The following GRM8 variants were observed in gnomAD, a reference collection of about 807,000 sequenced individuals.
GRM8 encodes metabotropic glutamate receptor 8.
A neutral mutation model predicts 87.2 loss-of-function variants in GRM8; 47 were observed. That is an observed-to-expected ratio of 0.54 (90% CI 0.43 to 0.69). The LOEUF (loss-of-function observed/expected upper bound fraction) is 0.69. Among genes scored for constraint, GRM8 ranks in the 30% least tolerant of loss-of-function variants. The pLI is 0.00. For missense variants in GRM8, 1,019 were observed against 1,139.2 expected (o/e 0.89, Z 1.52); for synonymous variants, 396 against 404.5 (o/e 0.98, Z 0.25).
intron 3 of GRM8, among the ~76,000 whole-genome samples, chr7:126,951,581 A>G (rs1386321041): frequency 6.6e-6 from 1 of 152,106 alleles, no homozygotes. Context: ...CAGTATCTTG[A>G]CTGGATACCA....
At chr7:126,769,419 G>A (rs929211) in intron 7 of GRM8, among the ~76,000 whole-genome samples, 56,183 of 151,884 alleles carry the variant, frequency 0.37, 11,778 homozygotes, top group Non-Finnish European at 0.47. Context: ...CTTAACACTC[G>A]TTGAGTATAA....
chr7:126,658,127 A>T (rs974108434), intron 7 of GRM8, among the ~76,000 whole-genome samples: 18 of 152,246 alleles, frequency 1.2e-4, no homozygotes, highest in Non-Finnish European at 2.6e-4. Flanking sequence ...AATAAAGAGA[A>T]GTAGGCAGAA....
chr7:127,204,114 G>A lies in GRM8; in HGVS notation c.510+38581C>T, dbSNP rs1301520955. Among the ~76,000 whole-genome samples, 3 of 147,146 alleles carry A rather than the reference G, an allele frequency of 2.0e-5. No individual in the cohort carries two copies. The East Asian group carries it at 5.9e-4, about 29-fold the overall frequency. ...GCAGGACTCAAGCCATGCAGTTAAT[G>A]TACACAACATTCACTGAATTGTAGA... On this transcript the variant is annotated intron_variant, in intron 2 of 10. Transcript: ENST00000339582.
intron 7 of GRM8, among the ~76,000 whole-genome samples, chr7:126,763,254 A>G (rs1563163395): frequency 6.6e-6 from 1 of 151,580 alleles, no homozygotes; most frequent in Non-Finnish European, 1.5e-5. Flanking sequence ...ATTCAAATCA[A>G]ATAAACCTTC....
At chr7:126,587,669 GC>G (rs1023656683) in intron 8 of GRM8, among the ~76,000 whole-genome samples, 2 of 144,576 alleles carry the variant, frequency 1.4e-5, no homozygotes, top group Admixed American at 1.4e-4. Context: ...GACACACCGG[GC>G]CTGTCATGGG....
At chr7:126,843,788 G>C (rs1159767944) in intron 6 of GRM8, among the ~76,000 whole-genome samples, 1 of 152,174 alleles carries the variant, frequency 6.6e-6, no homozygotes, top group African/African-American at 2.4e-5. Flanking sequence ...TGTTACATGT[G>C]CCTACAGAAA....
At chr7:127,081,873 A>G (rs1822908873) in intron 3 of GRM8, among the ~76,000 whole-genome samples, 1 of 152,212 alleles carries the variant, frequency 6.6e-6, no homozygotes, top group Non-Finnish European at 1.5e-5. Context: ...GAGTGCTGAT[A>G]AAGGAGACAA....
intron 3 of GRM8, among the ~76,000 whole-genome samples, chr7:126,963,250 T>C (rs1359429065): frequency 1.3e-5 from 2 of 152,216 alleles, no homozygotes; most frequent in African/African-American, 4.8e-5. Flanking sequence ...ATTTCATTTT[T>C]GCATATCTGA....
At chr7:126,822,664 C>T (rs144061781) in intron 6 of GRM8, among the ~76,000 whole-genome samples, 118 of 151,990 alleles carry the variant, frequency 7.8e-4, no homozygotes, top group African/African-American at 2.7e-3. Flanking sequence ...CAGACTCCTG[C>T]GGCTCAAGTG....
intron 2 of GRM8, among the ~76,000 whole-genome samples, chr7:127,226,296 G>C (rs1007245577): frequency 2.0e-5 from 3 of 152,040 alleles, no homozygotes; most frequent in Non-Finnish European, 4.4e-5. Context: ...GCAGAGTCAG[G>C]GTTGACAAAA....
intron 6 of GRM8, among the ~76,000 whole-genome samples, chr7:126,828,627 C>G (rs1014361094): frequency 2.6e-5 from 4 of 152,136 alleles, no homozygotes; most frequent in African/African-American, 7.2e-5. Flanking sequence ...TGCTAGCAGT[C>G]TATCAATTTT....
intron 3 of GRM8, among the ~76,000 whole-genome samples, chr7:126,934,086 A>T (rs1162496964): frequency 6.6e-6 from 1 of 152,158 alleles, no homozygotes; most frequent in Middle Eastern, 3.2e-3. Flanking sequence ...TTCTTTCCCA[A>T]ATACTTAAGG....
At chr7:126,522,660 T>C (rs1813170706) in intron 9 of GRM8, among the ~76,000 whole-genome samples, 1 of 152,244 alleles carries the variant, frequency 6.6e-6, no homozygotes, top group Non-Finnish European at 1.5e-5. Context: ...TTACAAACAA[T>C]GCCCAACTTT....
intron 6 of GRM8, among the ~76,000 whole-genome samples, chr7:126,799,825 T>G (rs1039413194): frequency 6.6e-6 from 1 of 152,148 alleles, no homozygotes; most frequent in African/African-American, 2.4e-5. Context: ...CTGTCCAGTT[T>G]GCTCCCTCTA....
At chr7:126,502,397 T>G (rs1809779816) in intron 9 of GRM8, among the ~76,000 whole-genome samples, 1 of 152,080 alleles carries the variant, frequency 6.6e-6, no homozygotes, top group Non-Finnish European at 1.5e-5. Flanking sequence ...AGTTTCCAAA[T>G]CTACCTGCTT....
intron 3 of GRM8, among the ~76,000 whole-genome samples, chr7:127,056,539 C>CA (rs1180512227): frequency 1.3e-5 from 2 of 152,164 alleles, no homozygotes; most frequent in East Asian, 3.9e-4. Flanking sequence ...ACAGATTATG[C>CA]AGGTGGTCCT....
intron 3 of GRM8, among the ~76,000 whole-genome samples, chr7:127,005,740 A>G (rs557210240): frequency 8.6e-5 from 13 of 152,008 alleles, no homozygotes; most frequent in African/African-American, 3.1e-4. Flanking sequence ...GTGTTCACCT[A>G]ACAAACTGAA....
intron 6 of GRM8, among the ~76,000 whole-genome samples, chr7:126,782,364 C>T (rs908003694): frequency 6.6e-6 from 1 of 152,134 alleles, no homozygotes; most frequent in Non-Finnish European, 1.5e-5. Flanking sequence ...GAATAGAACC[C>T]TAATCACTTA....
At chr7:127,211,835 T>G (rs1265067996) in intron 2 of GRM8, among the ~76,000 whole-genome samples, 4 of 152,212 alleles carry the variant, frequency 2.6e-5, no homozygotes, top group Non-Finnish European at 5.9e-5. Context: ...GAGAAATAAT[T>G]TTCTATCATT....
Sources: allele counts gnomAD v4.1 joint callset (sites outside exome capture counted in the v4.1 genomes callset), GRCh38; gene constraint gnomAD v4.1.1; transcripts MANE v1.5; gene names NCBI Gene and HGNC (gene_info 2026-07-23, HGNC 2026-07-21).